HAUS6: variants seen among roughly 807,000 people sequenced by gnomAD.
HAUS6 encodes the protein HAUS augmin like complex subunit 6.
HAUS6 carries 80 observed loss-of-function variants against 106.8 expected under a neutral mutation model. The ratio of observed to expected loss-of-function variants is 0.75; its 90% CI spans 0.63 to 0.90. The LOEUF (loss-of-function observed/expected upper bound fraction) is 0.90. Ranked by LOEUF, HAUS6 falls within the 40% of genes least tolerant of loss-of-function variation. The pLI, the probability that HAUS6 is intolerant of heterozygous loss-of-function variation, is 0.00. For synonymous variants in HAUS6, 356 were observed against 379.1 expected (o/e 0.94, Z 0.71); for missense variants, 1,155 against 1,118.1 (o/e 1.03, Z -0.47).
chr9:19,057,669 C>A (rs1303721346), intron 16 of HAUS6: 1 of 390,588 alleles, frequency 2.6e-6, no homozygotes, highest in African/African-American at 2.1e-5. Flanking sequence ...TTCCACTGGG[C>A]AAGATTTTGA....
At chr9:19,059,997 G>A in intron 15 of HAUS6, 91 bp downstream of exon 15, 1 of 965,772 alleles carries the variant, frequency 1.0e-6, no homozygotes, top group Non-Finnish European at 1.6e-6. Context: ...ACAGCCTTTG[G>A]CAACTCAGCT....
intron 11 of HAUS6, among the ~76,000 whole-genome samples, chr9:19,072,814 A>T (rs930852317): frequency 2.6e-5 from 4 of 152,224 alleles, no homozygotes; most frequent in South Asian, 2.1e-4. Flanking sequence ...TGCTCAATTT[A>T]AACATAGTAA....
At chr9:19,071,736 G>A (rs540823595) in intron 11 of HAUS6, among the ~76,000 whole-genome samples, 1 of 151,954 alleles carries the variant, frequency 6.6e-6, no homozygotes, top group Non-Finnish European at 1.5e-5. Flanking sequence ...ACCATGCCCA[G>A]CTAATTTTTT....
intron 10 of HAUS6, among the ~76,000 whole-genome samples, chr9:19,077,418 C>A (rs113018275): frequency 0.043 from 6,483 of 152,176 alleles, 174 homozygotes; most frequent in Middle Eastern, 0.095. Flanking sequence ...ACCTTTAGTC[C>A]CGGCTACTTG....
chr9:19,082,382 A>G (rs1236069571), intron 8 of HAUS6, among the ~76,000 whole-genome samples: 3 of 152,240 alleles, frequency 2.0e-5, no homozygotes, highest in South Asian at 2.1e-4. Flanking sequence ...GGGGCAATTA[A>G]TAAAAGTGAA....
At chr9:19,076,481 C>G (rs1208773994) in intron 11 of HAUS6, 121 bp downstream of exon 11, 1 of 668,868 alleles carries the variant, frequency 1.5e-6, no homozygotes, top group Non-Finnish European at 2.7e-6. Context: ...ATGTTACATG[C>G]ATTTCACCAC....
chr9:19,070,451 A>G (rs931726030), intron 11 of HAUS6, 151 bp from the exon 12 acceptor site: 16 of 610,314 alleles, frequency 2.6e-5, no homozygotes, highest in Admixed American at 9.0e-5. Flanking sequence ...TATTCAATTG[A>G]TAAGTATAAA....
At chr9:19,084,761 T>G (rs1198711138) in intron 7 of HAUS6, among the ~76,000 whole-genome samples, 1 of 151,674 alleles carries the variant, frequency 6.6e-6, no homozygotes, top group African/African-American at 2.4e-5. Context: ...GTCACCCAAA[T>G]AGCTGGGACT....
intron 12 of HAUS6, among the ~76,000 whole-genome samples, chr9:19,069,144 T>C (rs1334854507): frequency 2.0e-5 from 3 of 152,154 alleles, no homozygotes; most frequent in South Asian, 2.1e-4. Context: ...AATGGCACTA[T>C]AGGATGTAGT....
Position 19,102,507 on chromosome 9 carries a change from G to A in HAUS6, c.128+17C>T, listed in dbSNP as rs774389682. 32 of 1,610,028 alleles carry A rather than the reference G, an allele frequency of 2.0e-5. No individual in the cohort carries two copies. In the African/African-American group the frequency reaches 3.5e-4, roughly 17 times the overall value. On this transcript the variant is annotated intron_variant, in intron 1 of 16. Transcript: ENST00000380502. ...CCGGTTCAGGCTCCCTCGCCCCGCCGGCCCCGGCCTCCTTACACTCCGAGG... is the reference window on the plus strand; with the variant it reads ...CCGGTTCAGGCTCCCTCGCCCCGCCAGCCCCGGCCTCCTTACACTCCGAGG...
chr9:19,102,398 A>G, intron 1 of HAUS6, 126 bp downstream of exon 1: 1 of 1,046,378 alleles, frequency 9.6e-7, no homozygotes, highest in Non-Finnish European at 1.4e-6. Flanking sequence ...CTTTGGAGCC[A>G]ATGCCTGGCA....
intron 2 of HAUS6, among the ~76,000 whole-genome samples, chr9:19,096,391 C>T (rs1231397993): frequency 6.6e-6 from 1 of 151,776 alleles, no homozygotes; most frequent in Non-Finnish European, 1.5e-5. Context: ...AGGGTGAAAC[C>T]CCAGCTCCAA....
chr9:19,100,556 G>C (rs1588632799), intron 1 of HAUS6, among the ~76,000 whole-genome samples: 1 of 152,260 alleles, frequency 6.6e-6, no homozygotes, highest in East Asian at 1.9e-4. Flanking sequence ...AGTACCCTAT[G>C]ATCCAGCAAT....
chr9:19,087,103 T>C lies in HAUS6; in HGVS notation c.638A>G (p.Asn213Ser), dbSNP rs1837315036. The C allele has an allele frequency of 2.0e-6, 3 of 1,501,050 alleles. No individual in the cohort carries two copies. In the East Asian group the frequency reaches 6.8e-5, roughly 34 times the overall value. The allele number at this position is 1,501,050 out of a possible 1,614,324, so 93.0% of individuals were successfully genotyped here. A position where few individuals can be genotyped will look rare whatever the true frequency, so the allele number is the denominator to read the frequency against. ...NLRSECIGLE[N>S]QIKKMEPYDD... ...AAAAGTCACTTACTTCTTTATTTGG[T>C]TTTCCAATCCTATACATTCAGATCT... The change falls in exon 6 of 17, where the codon AAC becomes AGC. Residue 213 changes from asparagine to serine, a missense_variant. Physicochemically the swap from Asn to Ser is conservative, Grantham distance 46. This residue lies in a region of HAUS6 where 761 missense variants were observed against 690.0 expected (regional missense o/e 1.10). Transcript: ENST00000380502.
chr9:19,091,073 G>A (rs1817734386), intron 4 of HAUS6, among the ~76,000 whole-genome samples: 1 of 152,176 alleles, frequency 6.6e-6, no homozygotes, highest in South Asian at 2.1e-4. Flanking sequence ...GGCCGAGGCG[G>A]GTGGATCACA....
At chr9:19,063,309 G>A (rs1298691751) in intron 13 of HAUS6, 116 bp from the exon 14 acceptor site, 1 of 731,058 alleles carries the variant, frequency 1.4e-6, no homozygotes. Context: ...TAATACTATT[G>A]TGAAATTGTA....
intron 7 of HAUS6, among the ~76,000 whole-genome samples, chr9:19,084,532 A>G (rs544633645): frequency 6.6e-6 from 1 of 152,084 alleles, no homozygotes; most frequent in South Asian, 2.1e-4. Context: ...AGAATTTACA[A>G]AAGAGGGAGG....
Position 19,102,771 on chromosome 9 carries a change from C to T in HAUS6, c.-120G>A. 5.4e-6 allele frequency: 5 copies of T among 922,224 alleles called. No individual in the cohort carries two copies. Among genetic ancestry groups the T allele is most frequent in the East Asian group, 5.4e-5 (2 of 36,954 alleles). 57.1% of individuals were successfully genotyped at this position (922,224 alleles called of 1,614,324 possible). On this transcript the variant is annotated 5_prime_UTR_variant, in exon 1 of 17. Transcript: ENST00000380502. Reference sequence around the variant, plus strand: ...CGCGGTGGTCCTTCCATTGCCAACGCCTGCTCCTTTCACGCCCAGAGCGAT... The same window carrying T: ...CGCGGTGGTCCTTCCATTGCCAACGTCTGCTCCTTTCACGCCCAGAGCGAT...
At chr9:19,066,830 C>CAAAA (rs71333078) in intron 12 of HAUS6, among the ~76,000 whole-genome samples, 10 of 81,976 alleles carry the variant, frequency 1.2e-4, no homozygotes, top group African/African-American at 3.0e-4. Flanking sequence ...CTCATCTCTA[C>CAAAA]AAAAAAAAAA....
Sources: gnomAD v4.1 joint callset for allele counts (sites outside exome capture counted in the v4.1 genomes callset) on GRCh38, gnomAD v4.1.1 for gene constraint, gnomAD v4.1.1 regional missense constraint, MANE v1.5 for transcripts, NCBI Gene and HGNC (gene_info 2026-07-23, HGNC 2026-07-21) for gene names.